The following PDE2A variants were observed in gnomAD, a reference collection of about 807,000 sequenced individuals.
PDE2A encodes phosphodiesterase 2A, also known as cGMP-dependent 3',5'-cyclic phosphodiesterase.
Under a neutral mutation model 133.6 loss-of-function variants are expected in PDE2A, and 53 were observed. The ratio of observed to expected loss-of-function variants is 0.40; its 90% confidence interval spans 0.32 to 0.50. PDE2A has a LOEUF of 0.50. PDE2A is among the 20% of genes least tolerant of loss of function. PDE2A has a pLI of 0.73. For synonymous variants in PDE2A, 491 were observed against 490.2 expected, an observed-to-expected ratio of 1.00 and a Z score of -0.02; for missense variants, 796 against 1,232.4, an observed-to-expected ratio of 0.65 and a Z score of 5.30.
intron 2 of PDE2A, among the ~76,000 whole-genome samples, chr11:72,633,008 G>A (rs1265409792): frequency 6.6e-6 from 1 of 152,056 alleles, no homozygotes; most frequent in Non-Finnish European, 1.5e-5. Context: ...CCTATCTCCT[G>A]TACATAGGCC....
chr11:72,608,717 A>C lies in PDE2A; in HGVS notation c.179T>G (p.Ile60Ser), dbSNP rs1857077693. 6.4e-7 allele frequency: 1 copy of C among 1,574,538 alleles called. No homozygotes were observed. Among genetic ancestry groups the C allele is most frequent in the Non-Finnish European group, 8.6e-7 (1 of 1,159,718 alleles). ...ALLSLGSVIDISGLQRAVKEA... is the reference protein window; with the variant it reads ...ALLSLGSVIDSSGLQRAVKEA... ...CTTGACAGCACGTTGCAGGCCTGAAATGTCGATGACAGAGCCCAGACTCAG... is the reference window on the plus strand; with the variant it reads ...CTTGACAGCACGTTGCAGGCCTGAACTGTCGATGACAGAGCCCAGACTCAG... Residue 60 changes from isoleucine to serine, a missense_variant, in exon 3 of 31, where the codon ATT becomes AGT. Transcript: ENST00000334456.
Position 72,590,396 on chromosome 11 carries a change from C to T in PDE2A, c.703+31G>A, listed in dbSNP as rs1336774953. The T allele has an allele frequency of 6.3e-7, 1 of 1,585,348 alleles. No individual in the cohort carries two copies. The highest frequency in any genetic ancestry group is 8.6e-7 in the Non-Finnish European group (1 of 1,166,912). ...CCCCTCCAAGTTCTGCCCGGCCCCG[C>T]CCTCGTGACCTGTCCAGGCCGGGCC... On this transcript the variant is annotated intron_variant, in intron 8 of 30. Coordinates refer to ENST00000334456, the MANE Select transcript of PDE2A (RefSeq NM_002599.5). The surrounding 1 kb of genome is among the most constrained non-coding windows in gnomAD (Gnocchi z 4.8).
At chr11:72,644,609 G>A (rs1237686966) in intron 1 of PDE2A, among the ~76,000 whole-genome samples, 3 of 152,194 alleles carry the variant, frequency 2.0e-5, no homozygotes, top group Non-Finnish European at 4.4e-5. Flanking sequence ...TTCTTCAGGG[G>A]AGGCCACCTC....
intron 1 of PDE2A, among the ~76,000 whole-genome samples, chr11:72,650,876 T>TACACACACACAC (rs58905066): frequency 1.2e-4 from 15 of 130,314 alleles, no homozygotes; most frequent in Admixed American, 2.3e-4. Context: ...CAGTCCCCAC[T>TACACACACACAC]ACACACACAC....
intron 4 of PDE2A, among the ~76,000 whole-genome samples, chr11:72,602,297 C>T (rs1856785556): frequency 1.3e-5 from 2 of 152,152 alleles, no homozygotes; most frequent in South Asian, 4.1e-4. Context: ...GGGGCCTCCT[C>T]ACTCCCGCCT....
chr11:72,634,657 A>T (rs887724668), intron 2 of PDE2A, among the ~76,000 whole-genome samples: 1 of 152,196 alleles, frequency 6.6e-6, no homozygotes, highest in Non-Finnish European at 1.5e-5. Flanking sequence ...AAGGCATAAG[A>T]AGGACTCAGG....
At chr11:72,657,726 C>T (rs1390095410) in intron 1 of PDE2A, 1 of 449,650 alleles carries the variant, frequency 2.2e-6, no homozygotes, top group African/African-American at 2.0e-5. Flanking sequence ...GTCTTAGGAT[C>T]TTGGATCTGG....
intron 6 of PDE2A, among the ~76,000 whole-genome samples, chr11:72,593,561 C>T (rs964941916): frequency 3.9e-5 from 6 of 152,320 alleles, no homozygotes; most frequent in East Asian, 1.9e-4. Context: ...ACCCCATCCC[C>T]GTGCAGGGAG....
chr11:72,656,753 G>A (rs1382466690), intron 1 of PDE2A, among the ~76,000 whole-genome samples: 1 of 151,986 alleles, frequency 6.6e-6, no homozygotes, highest in African/African-American at 2.4e-5. Flanking sequence ...CCCAGCTAGA[G>A]TCCAGCAGGA....
chr11:72,594,701 C>T lies in PDE2A; in HGVS notation c.489+1892G>A, dbSNP rs570160303. ...CCCCTCAGCACACCACCCCTTCCCC[C>T]GGCCTCCTTCCTGCCTTGCTCACAT... On this transcript the variant is annotated intron_variant, in intron 6 of 30. Coordinates refer to ENST00000334456, the MANE Select transcript of PDE2A (RefSeq NM_002599.5). Among the ~76,000 whole-genome samples, 5 of 152,224 alleles carry T rather than the reference C, an allele frequency of 3.3e-5. No individual in the cohort carries two copies. The East Asian group carries it at 5.8e-4, about 18-fold the overall frequency.
intron 2 of PDE2A, among the ~76,000 whole-genome samples, chr11:72,610,599 G>A (rs544659109): frequency 3.7e-4 from 57 of 152,134 alleles, no homozygotes; most frequent in African/African-American, 1.4e-3. Flanking sequence ...GGCTTCCTTG[G>A]TCCCTCCCAC....
chr11:72,674,390 C>T lies in PDE2A; in HGVS notation c.-183G>A, dbSNP rs1326359899. The T allele has an allele frequency of 6.8e-6, 4 of 584,446 alleles. No individual in the cohort carries two copies. The highest frequency in any genetic ancestry group is 6.0e-5 in the East Asian group (2 of 33,060). 36.2% of individuals were successfully genotyped at this position (584,446 alleles called of 1,614,324 possible). A position where few individuals can be genotyped will look rare whatever the true frequency, so the allele number is the denominator to read the frequency against. ...GCTGCCCCGCTGCTCCCGCCTCTCC[C>T]GCTGCCACTGCCTCTGCTGCTCGGC... is the stretch of plus-strand genomic sequence containing the variant. On this transcript the variant is annotated 5_prime_UTR_variant, in exon 1 of 31. Transcript: ENST00000334456.
At position 72,608,695 on chromosome 11, in the gene PDE2A, G is replaced by A. The variant is rs1260172915; in HGVS notation, c.201C>T (p.Val67=). The A allele has an allele frequency of 6.3e-7, 1 of 1,577,180 alleles. No individual in the cohort carries two copies. Among genetic ancestry groups the A allele is most frequent in the Admixed American group, 1.9e-5 (1 of 52,994 alleles). Residue 67 remains valine, a synonymous_variant, in exon 3 of 31, where the codon GTC becomes GTT. Coordinates refer to ENST00000334456, the MANE Select transcript of PDE2A (RefSeq NM_002599.5). ...GGAGCACAGCTGACAGGGCCTCCTT[G>A]ACAGCACGTTGCAGGCCTGAAATGT... The part of the protein sequence containing the change: ...VIDISGLQRA[V]KEALSAVLPR...
intron 6 of PDE2A, among the ~76,000 whole-genome samples, chr11:72,592,611 C>T (rs1049072695): frequency 2.0e-5 from 3 of 152,022 alleles, no homozygotes; most frequent in East Asian, 1.9e-4. Flanking sequence ...GTAGGTGGTG[C>T]GGGGAGATGA....
chr11:72,582,796 C>A (rs1191054297), intron 20 of PDE2A, among the ~76,000 whole-genome samples: 1 of 152,158 alleles, frequency 6.6e-6, no homozygotes, highest in African/African-American at 2.4e-5. Flanking sequence ...ACAGCATAAC[C>A]TTGGCAAAGA....
At chr11:72,626,115 G>A (rs978698893) in intron 2 of PDE2A, among the ~76,000 whole-genome samples, 14 of 152,256 alleles carry the variant, frequency 9.2e-5, no homozygotes, top group African/African-American at 3.1e-4. Context: ...CCTTGCCCGC[G>A]AGCCTGGCGT....
intron 12 of PDE2A, 102 bp from the exon 13 acceptor site, chr11:72,589,016 T>G: frequency 1.5e-6 from 2 of 1,348,270 alleles, no homozygotes; most frequent in Non-Finnish European, 2.1e-6. Flanking sequence ...AAGGGACTCA[T>G]GCAAGGCTGG....
At chr11:72,610,806 C>T (rs61895571) in intron 2 of PDE2A, among the ~76,000 whole-genome samples, 53,441 of 152,060 alleles carry the variant, frequency 0.35, 10,945 homozygotes, top group Middle Eastern at 0.51. Context: ...TCCCAGCAGG[C>T]CTTCAGACAC....
intron 27 of PDE2A, 79 bp from the exon 28 acceptor site, chr11:72,579,088 C>A: frequency 8.8e-7 from 1 of 1,135,608 alleles, no homozygotes. Context: ...AGGGCCCAAC[C>A]CAGAGCGGTC....
Sources: allele counts gnomAD v4.1 joint callset (sites outside exome capture counted in the v4.1 genomes callset), GRCh38; gene constraint gnomAD v4.1.1; non-coding constraint Gnocchi (gnomAD v3.1); transcripts MANE v1.5; gene names NCBI Gene and HGNC (gene_info 2026-07-23, HGNC 2026-07-21).